The following NECAP1 variants were observed in gnomAD, a reference collection of about 807,000 sequenced individuals.
NECAP1 encodes the protein NECAP endocytosis associated 1, also known as adaptin ear-binding coat-associated protein 1.
Under a neutral mutation model 33.4 loss-of-function variants are expected in NECAP1, and 13 were observed. That is an observed-to-expected ratio of 0.39 (90% CI 0.25 to 0.62). NECAP1 has a LOEUF of 0.62. Ranked by LOEUF, NECAP1 falls within the 20% of genes least tolerant of loss-of-function variation. The pLI, the probability that NECAP1 is intolerant of heterozygous loss-of-function variation, is 0.52. For synonymous variants in NECAP1, 109 were observed against 125.2 expected, an observed-to-expected ratio of 0.87 and a Z score of 0.86; for missense variants, 272 against 347.4, an observed-to-expected ratio of 0.78 and a Z score of 1.73.
Position 8,092,960 on chromosome 12 carries a change from A to G in NECAP1, c.581A>G (p.Lys194Arg), listed in dbSNP as rs765855460. The G allele has an allele frequency of 5.6e-5, 90 of 1,609,852 alleles. No homozygotes were observed. Among genetic ancestry groups the G allele is most frequent in the Non-Finnish European group, 7.6e-5 (89 of 1,178,180 alleles). ...TTACTCCCACCCCCGCCAGGAGGCA[A>G]AGTCACTATTCCCCCACCATCCTCC... ...LSLLPPPPGG[K>R]VTIPPPSSSV... is the part of the protein sequence containing the mutation. Residue 194 changes from lysine (K) to arginine (R), a missense_variant, in exon 6 of 8, where the codon AAA (lysine) becomes AGA (arginine). Lys to Arg is a conservative substitution (Grantham distance 26, BLOSUM62 2). Transcript: ENST00000339754.
chr12:8,096,029 T>C lies in NECAP1; in HGVS notation c.780-13T>C, dbSNP rs200758236. The C allele has an allele frequency of 5.3e-5, 86 of 1,613,932 alleles. 1 individual carries two copies. In the South Asian group the frequency reaches 9.0e-4, roughly 17 times the overall value. ...ATTATGTCTCTGGCTTTCTCTGTTCTCCTGTCTTGCAGCTCTGTTCCAAAC... is the reference window on the plus strand; with the variant it reads ...ATTATGTCTCTGGCTTTCTCTGTTCCCCTGTCTTGCAGCTCTGTTCCAAAC... On this transcript the variant is annotated splice_polypyrimidine_tract_variant and intron_variant, in intron 7 of 7. Transcript: ENST00000339754.
intron 4 of NECAP1, 167 bp downstream of exon 4, chr12:8,092,017 T>C (rs1305913559): frequency 3.2e-6 from 2 of 626,800 alleles, no homozygotes; most frequent in Non-Finnish European, 5.6e-6. Flanking sequence ...CATCTTTGTA[T>C]CTATTCTGTT....
intron 1 of NECAP1, among the ~76,000 whole-genome samples, chr12:8,086,853 T>G (rs1292144732): frequency 6.6e-6 from 1 of 151,714 alleles, no homozygotes; most frequent in Non-Finnish European, 1.5e-5. Flanking sequence ...GCAAGAGAAT[T>G]GCTTGAACCC....
At chr12:8,084,837 T>C (rs189083827) in intron 1 of NECAP1, among the ~76,000 whole-genome samples, 129 of 152,248 alleles carry the variant, frequency 8.5e-4, no homozygotes, top group African/African-American at 2.9e-3. Flanking sequence ...CTGGTACACT[T>C]TGGGCACCCT....
intron 1 of NECAP1, among the ~76,000 whole-genome samples, chr12:8,086,348 C>T (rs1433823385): frequency 6.6e-6 from 1 of 152,146 alleles, no homozygotes; most frequent in Non-Finnish European, 1.5e-5. Flanking sequence ...TGCGGTGGCT[C>T]ATATCTGTAA....
rs749671158 is a variant in NECAP1 at position 8,092,975 on chromosome 12, C to G, written c.596C>G (p.Pro199Arg). The stretch of plus-strand genomic sequence containing the variant: ...CCAGGAGGCAAAGTCACTATTCCCC[C>G]ACCATCCTCCTCAGTTGCCATCAGC... The part of the protein sequence containing the change: ...PPPGGKVTIP[P>R]PSSSVAISNH... Residue 199 changes from proline to arginine, a missense_variant, in exon 6 of 8, where the codon CCA becomes CGA. Physicochemically the swap from Pro to Arg is moderately radical, Grantham distance 103 (BLOSUM62 -2). Transcript: ENST00000339754. The G allele has an allele frequency of 2.5e-6, 4 of 1,612,528 alleles. No homozygotes were observed. The African/African-American group carries it at 4.0e-5, about 16-fold the overall frequency.
chr12:8,084,724 G>A (rs1947472141), intron 1 of NECAP1, among the ~76,000 whole-genome samples: 1 of 152,188 alleles, frequency 6.6e-6, no homozygotes, highest in Non-Finnish European at 1.5e-5. Context: ...ATGGATTACA[G>A]TGGATTGTAC....
rs1347601133 is a variant in NECAP1 at position 8,082,372 on chromosome 12, C to T, written c.84C>T (p.Asn28=). 3 of 1,613,646 alleles carry T rather than the reference C, an allele frequency of 1.9e-6. No individual in the cohort carries two copies. The highest frequency in any genetic ancestry group is 1.1e-5 in the South Asian group (1 of 91,068). Residue 28 remains asparagine, a synonymous_variant, in exon 1 of 8, where the codon AAC becomes AAT. Transcript: ENST00000339754. ...SVYRIPPRAS[N]RGYRASDWKL... ...ACCGGATTCCGCCCCGGGCCTCCAA[C>T]CGCGGTTACAGGTACTAACCCCGAG... is the stretch of plus-strand genomic sequence containing the variant.
At chr12:8,088,464 A>G (rs928684899) in intron 1 of NECAP1, among the ~76,000 whole-genome samples, 4 of 152,226 alleles carry the variant, frequency 2.6e-5, no homozygotes, top group Admixed American at 6.5e-5. Flanking sequence ...TATCTAATCC[A>G]TTAGAAAATC....
Position 8,090,183 on chromosome 12 carries a change from C to T in NECAP1, c.197-12C>T, listed in dbSNP as rs753873119. On this transcript the variant is annotated splice_polypyrimidine_tract_variant and intron_variant, in intron 2 of 7. Transcript: ENST00000339754. ...TTGCTTTACTCAAAAAAGTCTTTCT[C>T]TTATCTGTCAGGGGAGCTCTTTGCT... 1.6e-5 allele frequency: 26 copies of T among 1,613,644 alleles called. No individual in the cohort carries two copies. Among genetic ancestry groups the T allele is most frequent in the Non-Finnish European group, 2.1e-5 (25 of 1,179,690 alleles).
chr12:8,082,757 T>TCTC (rs1947452058), intron 1 of NECAP1: 2 of 136,406 alleles, frequency 1.5e-5, no homozygotes, highest in Admixed American at 8.2e-5. Context: ...TCCTCATCCT[T>TCTC]TCTCTCTCTC....
At position 8,096,357 on chromosome 12, in the gene NECAP1, G is replaced by C. The variant is rs1443005741; in HGVS notation, c.*267G>C. On this transcript the variant is annotated 3_prime_UTR_variant, in exon 8 of 8. Coordinates refer to ENST00000339754, the MANE Select transcript of NECAP1 (RefSeq NM_015509.4). ...TATCATAGTTTTGGCTGACTATGCA[G>C]GGCTTAAAAGGCCAGCGTCTGTTTG... 4 of 377,774 alleles carry C rather than the reference G, an allele frequency of 1.1e-5. No individual in the cohort carries two copies. Among genetic ancestry groups the C allele is most frequent in the African/African-American group, 8.1e-5 (4 of 49,286 alleles). 23.4% of individuals were successfully genotyped at this position (377,774 alleles called of 1,614,324 possible).
At position 8,092,661 on chromosome 12, in the gene NECAP1, G is replaced by A. The variant is rs2231751; in HGVS notation, c.384-15G>A. On this transcript the variant is annotated splice_polypyrimidine_tract_variant and intron_variant, in intron 4 of 7. Coordinates refer to ENST00000339754, the MANE Select transcript of NECAP1 (RefSeq NM_015509.4). ...AGGAAATCTCAAACTAAGATAACTT[G>A]CTGTGTTCCCAAAGGTGGGTAAAGC... The A allele has an allele frequency of 5.7e-6, 9 of 1,586,586 alleles. No homozygotes were observed. Among genetic ancestry groups the A allele is most frequent in the Admixed American group, 3.4e-5 (2 of 58,782 alleles).
At position 8,093,126 on chromosome 12, in the gene NECAP1, G is replaced by T. The variant is rs1947564808; in HGVS notation, c.676+71G>T. On this transcript the variant is annotated intron_variant, in intron 6 of 7. Transcript: ENST00000339754. ...AATTAAGCAACACCTGTTTGTCAAG[G>T]AGAGTTAATGTTTTTGCTATGAAAT... is the stretch of plus-strand genomic sequence containing the variant. 1.1e-5 allele frequency: 16 copies of T among 1,465,436 alleles called. No individual in the cohort carries two copies. In the East Asian group the frequency reaches 3.6e-4, roughly 33 times the overall value. 90.8% of individuals were successfully genotyped at this position (1,465,436 alleles called of 1,614,324 possible).
Position 8,091,859 on chromosome 12 carries a change from A to G in NECAP1, c.383+9A>G. The stretch of plus-strand genomic sequence containing the variant: ...TTGCAGGATCACTTCAAGTGAGTGA[A>G]GCTTGTCCTTAGTTACGAGGCTGAA... On this transcript the variant is annotated intron_variant, in intron 4 of 7. Coordinates refer to ENST00000339754, the MANE Select transcript of NECAP1 (RefSeq NM_015509.4). 1 of 1,610,746 alleles carries G rather than the reference A, an allele frequency of 6.2e-7. No homozygotes were observed. Among genetic ancestry groups the G allele is most frequent in the Non-Finnish European group, 8.5e-7 (1 of 1,177,950 alleles).
Position 8,092,675 on chromosome 12 carries a change from G to T in NECAP1, c.384-1G>T. On this transcript the variant is annotated splice_acceptor_variant, in intron 4 of 7. Transcript: ENST00000339754. LOFTEE classifies it high-confidence loss of function. ...TAAGATAACTTGCTGTGTTCCCAAA[G>T]GTGGGTAAAGCAGGAATCTGAGATT... 1 of 1,609,368 alleles carries T rather than the reference G, an allele frequency of 6.2e-7. No homozygotes were observed. Among genetic ancestry groups the T allele is most frequent in the Non-Finnish European group, 8.5e-7 (1 of 1,176,550 alleles).
chr12:8,086,928 T>TAC (rs140539415), intron 1 of NECAP1, among the ~76,000 whole-genome samples: 11,629 of 143,704 alleles, frequency 0.081, 522 homozygotes, highest in African/African-American at 0.12. Flanking sequence ...GAGACTCTAT[T>TAC]ACACACACAC....
Position 8,082,312 on chromosome 12 carries a change from G to T in NECAP1, c.24G>T (p.Glu8Asp). MATELEYESVLCVKPDVS... is the reference protein window; with the variant it reads MATELEYDSVLCVKPDVS... The stretch of plus-strand genomic sequence containing the variant: ...AGATGGCGACCGAGTTGGAGTACGA[G>T]TCTGTGCTGTGTGTGAAGCCAGACG... The change falls in exon 1 of 8, where the codon GAG (glutamate) becomes GAT (aspartate). Residue 8 changes from glutamate to aspartate, a missense_variant. Transcript: ENST00000339754. 1 of 1,612,818 alleles carries T rather than the reference G, an allele frequency of 6.2e-7. No homozygotes were observed. Among genetic ancestry groups the T allele is most frequent in the Non-Finnish European group, 8.5e-7 (1 of 1,178,872 alleles).
At chr12:8,082,770 TCTCTCACACACACACACA>T in intron 1 of NECAP1, 1 of 116,638 alleles carries the variant, frequency 8.6e-6, no homozygotes, top group Non-Finnish European at 1.7e-5. Context: ...TCTCTCTCTC[TCTCTCACACACACACACA>T]CACACACACA....
Sources: gnomAD v4.1 joint callset for allele counts (sites outside exome capture counted in the v4.1 genomes callset) on GRCh38, gnomAD v4.1.1 for gene constraint, MANE v1.5 for transcripts, NCBI Gene and HGNC (gene_info 2026-07-23, HGNC 2026-07-21) for gene names.